GRIK4: variants seen among roughly 807,000 people sequenced by gnomAD.
The protein encoded by GRIK4 is glutamate ionotropic receptor kainate type subunit 4.
In GRIK4, 40 loss-of-function variants were observed where a neutral mutation model predicts 104.9. The ratio of observed to expected loss-of-function variants is 0.38; its 90% CI spans 0.30 to 0.50. GRIK4 has a LOEUF of 0.50. Ranked by LOEUF, GRIK4 falls within the 20% of genes least tolerant of loss-of-function variation. The pLI is 0.93. For synonymous variants in GRIK4, 485 were observed against 524.9 expected (o/e 0.92, Z 1.04); for missense variants, 1,047 against 1,308.1 (o/e 0.80, Z 3.08).
chr11:120,531,806 C>G (rs1947926942), intron 1 of GRIK4, among the ~76,000 whole-genome samples: 1 of 152,090 alleles, frequency 6.6e-6, no homozygotes, highest in South Asian at 2.1e-4. Context: ...GGACTCCTGA[C>G]CTCAGATGAT....
chr11:120,726,215 A>G (rs1177687741), intron 3 of GRIK4, among the ~76,000 whole-genome samples: 2 of 152,232 alleles, frequency 1.3e-5, no homozygotes, highest in East Asian at 3.8e-4. Context: ...AGAGGACAGC[A>G]TGGTCACAAT....
At chr11:120,597,293 A>G (rs1948816130) in intron 1 of GRIK4, among the ~76,000 whole-genome samples, 1 of 152,152 alleles carries the variant, frequency 6.6e-6, no homozygotes, top group South Asian at 2.1e-4. Flanking sequence ...GTGCCTTCCC[A>G]CCATGATGAG....
At chr11:120,607,256 C>T (rs1948973981) in intron 1 of GRIK4, among the ~76,000 whole-genome samples, 1 of 152,202 alleles carries the variant, frequency 6.6e-6, no homozygotes, top group Non-Finnish European at 1.5e-5. Context: ...CCCAAAAGTA[C>T]ACCCTGAGAA....
chr11:120,535,084 G>A (rs1253387176), intron 1 of GRIK4, among the ~76,000 whole-genome samples: 4 of 152,170 alleles, frequency 2.6e-5, no homozygotes, highest in South Asian at 2.1e-4. Context: ...TGATTTCCAC[G>A]GTGTAAATAC....
At chr11:120,664,648 G>T (rs915629261) in intron 3 of GRIK4, among the ~76,000 whole-genome samples, 4 of 152,170 alleles carry the variant, frequency 2.6e-5, no homozygotes, top group Admixed American at 2.0e-4. Context: ...GGAAACATTT[G>T]GGATATCCCA....
At chr11:120,679,544 G>T (rs1326861600) in intron 3 of GRIK4, among the ~76,000 whole-genome samples, 1 of 152,222 alleles carries the variant, frequency 6.6e-6, no homozygotes, top group Non-Finnish European at 1.5e-5. Context: ...GGCAGGCAGG[G>T]TGTCTGCCTA....
intron 1 of GRIK4, among the ~76,000 whole-genome samples, chr11:120,596,833 T>G (rs1161425206): frequency 2.0e-5 from 3 of 152,106 alleles, no homozygotes; most frequent in Non-Finnish European, 4.4e-5. Flanking sequence ...CAAGTGATTC[T>G]CCTGCCTCAG....
rs1372281131 is a variant in GRIK4 at position 120,953,239 on chromosome 11, C to T, written c.1700+275C>T. Among the ~76,000 whole-genome samples, 1 of 152,166 alleles carries T rather than the reference C, an allele frequency of 6.6e-6. No homozygotes were observed. The highest frequency in any genetic ancestry group is 1.5e-5 in the Non-Finnish European group (1 of 68,034). On this transcript the variant is annotated intron_variant, in intron 15 of 20. Coordinates refer to ENST00000527524, the MANE Select transcript of GRIK4 (RefSeq NM_014619.5). The surrounding 1 kb of genome is among the most constrained non-coding windows in gnomAD (Gnocchi z 4.9). ...CCTCCTGTCCCCTCCCACTTCTCCC[C>T]AGACCCCCACCTAAGCCCCTTGCTT...
At chr11:120,542,092 A>C (rs1948043571) in intron 1 of GRIK4, among the ~76,000 whole-genome samples, 1 of 152,230 alleles carries the variant, frequency 6.6e-6, no homozygotes, top group African/African-American at 2.4e-5. Context: ...ACAATATGGT[A>C]CTGGCATAAA....
chr11:120,948,725 G>A (rs1943924756), intron 14 of GRIK4, among the ~76,000 whole-genome samples: 1 of 152,216 alleles, frequency 6.6e-6, no homozygotes, highest in South Asian at 2.1e-4. Context: ...ATTGAGGAAG[G>A]CATCAGTATA....
At chr11:120,605,837 G>C (rs1948953006) in intron 1 of GRIK4, among the ~76,000 whole-genome samples, 1 of 152,278 alleles carries the variant, frequency 6.6e-6, no homozygotes, top group Admixed American at 6.5e-5. Flanking sequence ...TCCAAAGGAA[G>C]TTACAGGGTT....
At position 120,555,520 on chromosome 11, in the gene GRIK4, G is replaced by A. The variant is rs1030878245; in HGVS notation, c.-159+43633G>A. 2.6e-5 allele frequency among the ~76,000 whole-genome samples: 4 copies of A among 152,278 alleles called. No homozygotes were observed. The highest frequency in any genetic ancestry group is 2.1e-4 in the South Asian group (1 of 4,820). ...TCTTCACTCAGTAAAATTTGCTCTG[G>A]GGCTGAGGCTGCCACCAGATGCACA... On this transcript the variant is annotated intron_variant, in intron 1 of 20. Transcript: ENST00000527524. This position sits in a 1 kb window ranked among gnomAD's most constrained non-coding sequence, Gnocchi z 5.3.
In GRIK4 at chr11:120,982,218, A is replaced by G; in HGVS notation, c.2508A>G (p.Ala836=). The change falls in exon 20 of 21, where the codon GCA becomes GCG. Residue 836 remains alanine (A), a synonymous_variant. Coordinates refer to ENST00000527524, the MANE Select transcript of GRIK4 (RefSeq NM_014619.5). ...EFLWTLRHSE[A]TEVSVCQEMV... ...TATGGACTCTCAGACACTCAGAAGCAACTGAGGTAAACTTTCAAAGGGGTA... is the reference window on the plus strand; with the variant it reads ...TATGGACTCTCAGACACTCAGAAGCGACTGAGGTAAACTTTCAAAGGGGTA... 1 of 1,532,798 alleles carries G rather than the reference A, an allele frequency of 6.5e-7. No individual in the cohort carries two copies. Among genetic ancestry groups the G allele is most frequent in the Middle Eastern group, 1.7e-4 (1 of 5,904 alleles). The allele number at this position is 1,532,798 out of a possible 1,614,324, so 94.9% of individuals were successfully genotyped here.
chr11:120,861,899 C>G lies in GRIK4; in HGVS notation c.745-60C>G, dbSNP rs533078334. 6.6e-5 allele frequency: 86 copies of G among 1,297,860 alleles called. 1 individual carries two copies. The South Asian group carries it at 1.0e-3, about 16-fold the overall frequency. 80.4% of individuals were successfully genotyped at this position (1,297,860 alleles called of 1,614,324 possible). A position where few individuals can be genotyped will look rare whatever the true frequency, so the allele number is the denominator to read the frequency against. On this transcript the variant is annotated intron_variant, in intron 8 of 20. Coordinates refer to ENST00000527524, the MANE Select transcript of GRIK4 (RefSeq NM_014619.5). ...GTACCCAGATATGCTTTACCAAAGT[C>G]CATCCCTCACTTCACCCCTTCCTAA...
At chr11:120,571,953 G>C (rs1299889964) in intron 1 of GRIK4, among the ~76,000 whole-genome samples, 2 of 152,226 alleles carry the variant, frequency 1.3e-5, no homozygotes. Flanking sequence ...GAGGCATCCT[G>C]TCTATGTCAG....
chr11:120,972,032 CTTCTG>C, intron 19 of GRIK4, among the ~76,000 whole-genome samples: 1 of 152,308 alleles, frequency 6.6e-6, no homozygotes, highest in Non-Finnish European at 1.5e-5. Flanking sequence ...TCCTGGAAGT[CTTCTG>C]TTCTGTCCTA....
chr11:120,902,980 T>G lies in GRIK4; in HGVS notation c.1273-2310T>G, dbSNP rs1475727265. 6.6e-6 allele frequency among the ~76,000 whole-genome samples: 1 copy of G among 152,156 alleles called. No homozygotes were observed. The highest frequency in any genetic ancestry group is 1.9e-4 in the East Asian group (1 of 5,190). On this transcript the variant is annotated intron_variant, in intron 12 of 20. Transcript: ENST00000527524. This position sits in a 1 kb window ranked among gnomAD's most constrained non-coding sequence, Gnocchi z 4.5. ...GCTCCCTGACACATGACCTTTGCCTTCTGGCTGCCCACTTCATCACGCCCA... is the reference window on the plus strand; with the variant it reads ...GCTCCCTGACACATGACCTTTGCCTGCTGGCTGCCCACTTCATCACGCCCA...
At chr11:120,539,645 T>C (rs1461612626) in intron 1 of GRIK4, among the ~76,000 whole-genome samples, 2 of 152,178 alleles carry the variant, frequency 1.3e-5, no homozygotes, top group East Asian at 3.9e-4. Flanking sequence ...AGCAAAGTTA[T>C]TGCCATTACC....
chr11:120,929,021 A>ACGTGTGTGTGTGCG, intron 13 of GRIK4, among the ~76,000 whole-genome samples: 1 of 117,060 alleles, frequency 8.5e-6, no homozygotes, highest in South Asian at 3.0e-4. Context: ...GTGTGTGCGC[A>ACGTGTGTGTGTGCG]CATGTGTGTG....
Sources: allele counts gnomAD v4.1 joint callset (sites outside exome capture counted in the v4.1 genomes callset), GRCh38; gene constraint gnomAD v4.1.1; non-coding constraint Gnocchi (gnomAD v3.1); transcripts MANE v1.5; gene names NCBI Gene and HGNC (gene_info 2026-07-23, HGNC 2026-07-21).